Variants in IDE observed in about 807,000 individuals in gnomAD.
IDE encodes the protein insulin degrading enzyme.
In IDE, 58 loss-of-function variants were observed where a neutral mutation model predicts 133.2. That is an observed-to-expected ratio of 0.44 (90% CI 0.35 to 0.54). IDE has a LOEUF of 0.54. IDE is among the 20% of genes least tolerant of loss of function. The pLI is 0.00. For synonymous variants in IDE, 396 were observed against 421.3 expected (o/e 0.94, Z 0.73); for missense variants, 981 against 1,234.0 (o/e 0.79, Z 3.07).
intron 1 of IDE, among the ~76,000 whole-genome samples, chr10:92,557,264 C>T (rs1234337811): frequency 1.3e-5 from 2 of 152,046 alleles, no homozygotes; most frequent in South Asian, 2.1e-4. Context: ...GGGCCAGGCA[C>T]GGCGGCTCAC....
intron 4 of IDE, 136 bp from the exon 5 acceptor site, chr10:92,515,178 G>A (rs949944413): frequency 3.0e-6 from 2 of 657,206 alleles, no homozygotes; most frequent in African/African-American, 3.6e-5. Context: ...AAATTTATTT[G>A]AATGTTAAGT....
intron 14 of IDE, chr10:92,479,632 T>C (rs1223839060): frequency 4.7e-6 from 2 of 421,488 alleles, no homozygotes; most frequent in Admixed American, 3.7e-5. Flanking sequence ...TGTGTGTGCA[T>C]GCGTGCGTGT....
At chr10:92,528,803 G>A (rs1389803922) in intron 4 of IDE, among the ~76,000 whole-genome samples, 3 of 152,130 alleles carry the variant, frequency 2.0e-5, no homozygotes, top group East Asian at 1.9e-4. Flanking sequence ...GAGACCAGGC[G>A]TGATGGCTCA....
chr10:92,573,199 C>A, intron 1 of IDE: 1 of 985,194 alleles, frequency 1.0e-6, no homozygotes, highest in Non-Finnish European at 1.2e-6. Flanking sequence ...AGAGGGCACG[C>A]CGCCGGATGG....
rs945519873 is a variant in IDE, at chr10:92,537,547, G to A, written c.102C>T (p.Phe34=). The change falls in exon 2 of 25, where the codon TTC becomes TTT. Residue 34 remains phenylalanine (F), a synonymous_variant. Transcript: ENST00000265986. The part of the protein sequence containing the change: ...RLPPPERLCG[F]QKKTYSKMNN... The stretch of plus-strand genomic sequence containing the variant: ...TCATTTTGCTGTAAGTCTTTTTTTG[G>A]AAACTGAAAAGAAAGAGATTTTTAA... 4 of 1,585,144 alleles carry A rather than the reference G, an allele frequency of 2.5e-6. No homozygotes were observed. The African/African-American group carries it at 5.5e-5, about 22-fold the overall frequency.
intron 4 of IDE, among the ~76,000 whole-genome samples, chr10:92,527,520 AT>A (rs1156801254): frequency 6.6e-6 from 1 of 152,186 alleles, no homozygotes; most frequent in Non-Finnish European, 1.5e-5. Context: ...ATTTAGAGAA[AT>A]TTGGGGCATA....
At chr10:92,465,591 T>A in intron 20 of IDE, 85 bp downstream of exon 20, 2 of 1,157,968 alleles carry the variant, frequency 1.7e-6, no homozygotes, top group Non-Finnish European at 2.5e-6. Flanking sequence ...TATACAGTGT[T>A]AGGTGAAAAT....
intron 5 of IDE, among the ~76,000 whole-genome samples, chr10:92,510,402 C>T (rs888886311): frequency 6.6e-6 from 1 of 151,936 alleles, no homozygotes; most frequent in African/African-American, 2.4e-5. Flanking sequence ...ATAATAATTG[C>T]ATTTGGAAAA....
At position 92,499,016 on chromosome 10, in the gene IDE, C is replaced by T. The variant is rs537590840; in HGVS notation, c.1430+5778G>A. On this transcript the variant is annotated intron_variant, in intron 11 of 24. Coordinates refer to ENST00000265986, the MANE Select transcript of IDE (RefSeq NM_004969.4). Reference sequence around the variant, plus strand: ...ACTGAGGAAAATACAAATATTTAAACTGTTTTACTTGCCTAAATGAGGCAA... The same window carrying T: ...ACTGAGGAAAATACAAATATTTAAATTGTTTTACTTGCCTAAATGAGGCAA... Among the ~76,000 whole-genome samples the T allele has an allele frequency of 2.7e-3, 405 of 152,212 alleles. 3 individuals carry two copies. The highest frequency in any genetic ancestry group is 4.3e-3 in the Non-Finnish European group (290 of 67,994).
At chr10:92,489,556 C>A (rs1847223060) in intron 12 of IDE, among the ~76,000 whole-genome samples, 1 of 151,974 alleles carries the variant, frequency 6.6e-6, no homozygotes, top group Non-Finnish European at 1.5e-5. Context: ...CCATTCAGGG[C>A]AGGTTGGTTA....
chr10:92,537,744 A>G (rs1842088421), intron 1 of IDE, among the ~76,000 whole-genome samples, 194 bp from the exon 2 acceptor site: 1 of 152,116 alleles, frequency 6.6e-6, no homozygotes, highest in South Asian at 2.1e-4. Context: ...AATGCTAACA[A>G]AATTGTTTTC....
chr10:92,573,172 G>T lies in IDE; in HGVS notation c.98+750C>A, dbSNP rs1234937638. 5 of 985,322 alleles carry T rather than the reference G, an allele frequency of 5.1e-6. No homozygotes were observed. In the African/African-American group the frequency reaches 8.7e-5, roughly 17 times the overall value. 61.0% of individuals were successfully genotyped at this position (985,322 alleles called of 1,614,324 possible). ...AGCCTGAAAACGCCTAGCGTACGCA[G>T]ATCAACGGTGCAGTGGAGAGGGCAC... On this transcript the variant is annotated intron_variant, in intron 1 of 24. Transcript: ENST00000265986.
chr10:92,464,055 AT>A, intron 20 of IDE, 52 bp from the exon 21 acceptor site: 1 of 1,553,466 alleles, frequency 6.4e-7, no homozygotes, highest in Non-Finnish European at 8.7e-7. Flanking sequence ...GACCTGGGTC[AT>A]TTTTAATCCT....
rs56377277 is a variant in IDE, at chr10:92,488,932, T to TAAAAAAAAAAAAAAAAAAAAAAA, written c.1533+1538_1533+1560dup. Among the ~76,000 whole-genome samples the TAAAAAAAAAAAAAAAAAAAAAAA allele has an allele frequency of 2.5e-5, 2 of 78,970 alleles. 1 individual carries two copies. Among genetic ancestry groups the TAAAAAAAAAAAAAAAAAAAAAAA allele is most frequent in the Non-Finnish European group, 4.5e-5 (2 of 44,646 alleles). The allele number at this position is 78,970 out of a possible 152,430, so 51.8% of individuals were successfully genotyped here. A position where few individuals can be genotyped will look rare whatever the true frequency, so the allele number is the denominator to read the frequency against. ...CTAATTTATAAGGCTTTTCATTATT[T>TAAAAAAAAAAAAAAAAAAAAAAA]AAAAAAAAAAAAAAAAAAAAAAAGC... On this transcript the variant is annotated intron_variant, in intron 12 of 24. Coordinates refer to ENST00000265986, the MANE Select transcript of IDE (RefSeq NM_004969.4).
chr10:92,570,175 A>C (rs1843721203), intron 1 of IDE, among the ~76,000 whole-genome samples: 1 of 152,194 alleles, frequency 6.6e-6, no homozygotes, highest in Non-Finnish European at 1.5e-5. Context: ...AGAATAAAAT[A>C]ATTTTGTGAG....
chr10:92,496,898 T>G (rs1847736348), intron 11 of IDE, among the ~76,000 whole-genome samples: 1 of 152,236 alleles, frequency 6.6e-6, no homozygotes, highest in Non-Finnish European at 1.5e-5. Flanking sequence ...CATCATCTTT[T>G]AGAAATGCTG....
chr10:92,482,113 A>T (rs1410763961), intron 14 of IDE, among the ~76,000 whole-genome samples: 1 of 152,186 alleles, frequency 6.6e-6, no homozygotes, highest in African/African-American at 2.4e-5. Flanking sequence ...TGTTGATGGA[A>T]AATCAAATTC....
At chr10:92,495,915 C>A (rs979258610) in intron 11 of IDE, among the ~76,000 whole-genome samples, 3 of 151,684 alleles carry the variant, frequency 2.0e-5, no homozygotes, top group Admixed American at 6.6e-5. Context: ...TGCTCTATCC[C>A]CCAGGCTGGA....
At chr10:92,523,191 G>A (rs1727434677) in intron 4 of IDE, among the ~76,000 whole-genome samples, 1 of 152,000 alleles carries the variant, frequency 6.6e-6, no homozygotes, top group African/African-American at 2.4e-5. Context: ...GACTAGCCTG[G>A]GCGACATGGT....
Sources: allele counts gnomAD v4.1 joint callset (sites outside exome capture counted in the v4.1 genomes callset), GRCh38; gene constraint gnomAD v4.1.1; transcripts MANE v1.5; gene names NCBI Gene and HGNC (gene_info 2026-07-23, HGNC 2026-07-21).